TENM1: variants seen among roughly 807,000 people sequenced by gnomAD.
The protein encoded by TENM1 is teneurin-1.
A neutral mutation model predicts 174.8 loss-of-function variants in TENM1; 35 were observed. The ratio of observed to expected loss-of-function variants is 0.20; its 90% confidence interval spans 0.15 to 0.27. TENM1 has a LOEUF of 0.27. Among genes scored for constraint, TENM1 ranks in the 10% least tolerant of loss-of-function variants. The probability of loss-of-function intolerance (pLI) is 1.00; values close to 1 mark genes in which losing one functional copy is unlikely to be tolerated. For synonymous variants in TENM1, 781 were observed against 798.7 expected (o/e 0.98, Z 0.37); for missense variants, 1,633 against 2,130.1 (o/e 0.77, Z 4.59).
chrX:124,837,713 G>A (rs1317524663), intron 3 of TENM1, among the ~76,000 whole-genome samples: 4 of 110,816 alleles, frequency 3.6e-5, no homozygotes, highest in Admixed American at 9.6e-5. Flanking sequence ...ATGGGATGAC[G>A]AAAAGGAATT....
At chrX:125,069,335 T>C in the TENM1 span, among the ~76,000 whole-genome samples, 1 of 112,103 alleles carries the variant, frequency 8.9e-6, no homozygotes, top group Non-Finnish European at 1.9e-5. Flanking sequence ...CATGATTTCT[T>C]TCTTTCTATG....
At chrX:124,462,437 G>C (rs2061187590) in intron 22 of TENM1, among the ~76,000 whole-genome samples, 1 of 97,338 alleles carries the variant, frequency 1.0e-5, no homozygotes, top group African/African-American at 4.1e-5. Flanking sequence ...TGTGTGGGGG[G>C]GGTGGGGGTG....
At chrX:124,587,489 G>T (rs62604263) in intron 11 of TENM1, among the ~76,000 whole-genome samples, 4,042 of 109,661 alleles carry the variant, frequency 0.037, 72 homozygotes, top group Non-Finnish European at 0.042. Context: ...TAGCCATATG[G>T]AGAAAGCTGA....
chrX:124,815,757 G>A (rs2055882178), intron 3 of TENM1, among the ~76,000 whole-genome samples: 1 of 110,905 alleles, frequency 9.0e-6, no homozygotes, highest in Admixed American at 9.6e-5. Flanking sequence ...AAAACATTGC[G>A]AATGGTTCAG....
At chrX:124,591,592 CT>C (rs1375152634) in intron 11 of TENM1, among the ~76,000 whole-genome samples, 1 of 111,904 alleles carries the variant, frequency 8.9e-6, no homozygotes, top group Non-Finnish European at 1.9e-5. Context: ...GATAAGTCTA[CT>C]GTTAGCTTGA....
At chrX:124,960,987 T>C (rs1160498151) in intron 1 of TENM1, among the ~76,000 whole-genome samples, 1 of 111,970 alleles carries the variant, frequency 8.9e-6, no homozygotes, top group Non-Finnish European at 1.9e-5. Flanking sequence ...CTTTTACCAA[T>C]TACGTTAAGG....
At chrX:124,465,527 C>T in intron 22 of TENM1, among the ~76,000 whole-genome samples, 1 of 112,032 alleles carries the variant, frequency 8.9e-6, no homozygotes, top group East Asian at 2.8e-4. Flanking sequence ...TTTGGGATTA[C>T]AGGCCTGAGC....
the TENM1 span, among the ~76,000 whole-genome samples, chrX:125,087,956 T>C: frequency 2.7e-5 from 3 of 111,336 alleles, no homozygotes; most frequent in East Asian, 5.7e-4. Flanking sequence ...ATTAAGTATA[T>C]AGGCTGCACA....
intron 1 of TENM1, among the ~76,000 whole-genome samples, chrX:124,910,160 GT>G (rs748262849): frequency 3.6e-5 from 4 of 112,249 alleles, no homozygotes; most frequent in Non-Finnish European, 7.5e-5. Context: ...CTATCATTTA[GT>G]GCTAACACTG....
intron 1 of TENM1, among the ~76,000 whole-genome samples, chrX:124,935,689 T>C (rs1603282796): frequency 8.8e-6 from 1 of 113,021 alleles, no homozygotes; most frequent in African/African-American, 3.2e-5. Flanking sequence ...ACAGCAGAAA[T>C]ATCTGAAATT....
chrX:124,827,740 CTTA>C (rs914270067), intron 3 of TENM1, among the ~76,000 whole-genome samples: 1 of 111,699 alleles, frequency 9.0e-6, no homozygotes, highest in Non-Finnish European at 1.9e-5. Flanking sequence ...AGCGTGTACC[CTTA>C]TTATTCCAAG....
chrX:124,950,633 T>TA (rs1374907441), intron 1 of TENM1, among the ~76,000 whole-genome samples: 1 of 111,829 alleles, frequency 8.9e-6, no homozygotes, highest in Non-Finnish European at 1.9e-5. Context: ...ATGTAGGCAG[T>TA]AAAAAATCAA....
In TENM1 at chrX:124,454,389, C is replaced by G. The variant is rs754475613; in HGVS notation, c.3950-898G>C. On this transcript the variant is annotated intron_variant, in intron 22 of 31. Transcript: ENST00000422452. ...CCAGGATGAGCTGGTTACTCTATAT[C>G]TAGGTATATCTAGGTGTTTTTTTTT... Among the ~76,000 whole-genome samples the G allele has an allele frequency of 2.6e-4, 4 of 15,373 alleles. No individual in the cohort carries two copies. In the South Asian group the frequency reaches 4.5e-3, roughly 17 times the overall value. 13.3% of individuals were successfully genotyped at this position (15,373 alleles called of 115,157 possible). A position where few individuals can be genotyped will look rare whatever the true frequency, so the allele number is the denominator to read the frequency against.
Position 124,481,653 on chromosome X carries a change from G to T in TENM1, c.3949+79C>A, listed in dbSNP as rs747917813. On this transcript the variant is annotated intron_variant, in intron 22 of 31. Transcript: ENST00000422452. ...TGGGCTAAAGTGTGGCAACAGTCTC[G>T]GGATTTTGTAAAGTCAAATAAAATC... The T allele has an allele frequency of 1.3e-3, 372 of 277,731 alleles. 1 individual carries two copies. Among genetic ancestry groups the T allele is most frequent in the Non-Finnish European group, 1.9e-3 (327 of 169,947 alleles). The allele number at this position is 277,731 out of a possible 1,213,427, so 22.9% of individuals were successfully genotyped here.
chrX:125,189,168 G>T, the TENM1 span, among the ~76,000 whole-genome samples: 1 of 111,886 alleles, frequency 8.9e-6, no homozygotes, highest in Non-Finnish European at 1.9e-5. Context: ...GTTCCTTTAG[G>T]AGTGTGTCAC....
intron 18 of TENM1, among the ~76,000 whole-genome samples, chrX:124,506,855 T>C (rs1231796581): frequency 8.9e-6 from 1 of 111,877 alleles, no homozygotes; most frequent in African/African-American, 3.2e-5. Context: ...TATAATGCAC[T>C]AAATGCCTAC....
chrX:124,445,063 C>T (rs890136979), intron 23 of TENM1, among the ~76,000 whole-genome samples: 1 of 111,668 alleles, frequency 9.0e-6, no homozygotes, highest in Non-Finnish European at 1.9e-5. Context: ...AACAGGGGAA[C>T]ATAATACCTA....
At chrX:124,787,129 C>T (rs769066083) in intron 3 of TENM1, among the ~76,000 whole-genome samples, 12 of 111,383 alleles carry the variant, frequency 1.1e-4, no homozygotes, top group Non-Finnish European at 2.3e-4. Flanking sequence ...TATTATGCAA[C>T]ATTTCATTAC....
exon 14 of TENM1, chrX:124,561,791 T>C (rs2048824823): frequency 8.3e-7 from 1 of 1,209,265 alleles, no homozygotes; most frequent in Non-Finnish European, 1.1e-6. Context: ...CATCGTCCAT[T>C]TCCAAAGCAG....
Sources: allele counts gnomAD v4.1 joint callset (sites outside exome capture counted in the v4.1 genomes callset), GRCh38; gene constraint gnomAD v4.1.1; transcripts MANE v1.5; gene names NCBI Gene and HGNC (gene_info 2026-07-23, HGNC 2026-07-21).